NME1: variants seen among roughly 807,000 people sequenced by gnomAD.
NME1 encodes the protein nucleoside diphosphate kinase A.
NME1 carries 9 observed loss-of-function variants against 17.2 expected under a neutral mutation model. That is an observed-to-expected ratio of 0.52 (90% CI 0.32 to 0.92). The LOEUF (loss-of-function observed/expected upper bound fraction) is 0.92. NME1 is among the 40% of genes least tolerant of loss of function. NME1 has a pLI of 0.04. For missense variants in NME1, 169 were observed against 201.7 expected (o/e 0.84, Z 0.98); for synonymous variants, 72 against 70.8 (o/e 1.02, Z -0.09).
At chr17:51,161,699 G>T (rs2049866483) in intron 4 of NME1, 29 bp from the exon 5 acceptor site, 1 of 1,524,758 alleles carries the variant, frequency 6.6e-7, no homozygotes, top group Non-Finnish European at 9.1e-7. Flanking sequence ...TCTGGTCTTG[G>T]TCATGTGACT....
intron 2 of NME1, among the ~76,000 whole-genome samples, chr17:51,158,053 G>T (rs527821227): frequency 2.0e-5 from 3 of 152,212 alleles, no homozygotes; most frequent in Non-Finnish European, 4.4e-5. Context: ...GTCAAGGTGG[G>T]TGGATCATCT....
Position 51,156,892 on chromosome 17 carries a change from CAAAAA to C in NME1, c.126+1126_126+1130del, listed in dbSNP as rs71355724. On this transcript the variant is annotated intron_variant, in intron 2 of 4. Transcript: ENST00000393196. Reference sequence around the variant, plus strand: ...TGCAACAAGAGCAAAACTCCATCTCCAAAAAAAAAAAAAAAAAAGAATTGCTTTTG... The same window carrying C: ...TGCAACAAGAGCAAAACTCCATCTCCAAAAAAAAAAAAAGAATTGCTTTTG... Among the ~76,000 whole-genome samples the C allele has an allele frequency of 8.1e-5, 7 of 86,916 alleles. No homozygotes were observed. In the South Asian group the frequency reaches 2.5e-3, roughly 31 times the overall value. The allele number at this position is 86,916 out of a possible 152,430, so 57.0% of individuals were successfully genotyped here. A position where few individuals can be genotyped will look rare whatever the true frequency, so the allele number is the denominator to read the frequency against.
chr17:51,161,282 T>G lies in NME1; in HGVS notation c.341+10T>G, dbSNP rs181856997. The G allele has an allele frequency of 5.2e-4, 832 of 1,595,708 alleles. 5 individuals are homozygous for G. The African/African-American group carries it at 9.7e-3, about 19-fold the overall frequency. On this transcript the variant is annotated intron_variant, in intron 4 of 4. Coordinates refer to ENST00000393196, the MANE Select transcript of NME1 (RefSeq NM_000269.3). ...GCATACAAGTTGGCAGGTGAGATTTTGGTATTTTTCCCCCTTTTCCAAAAT... is the reference window on the plus strand; with the variant it reads ...GCATACAAGTTGGCAGGTGAGATTTGGGTATTTTTCCCCCTTTTCCAAAAT...
chr17:51,158,475 C>T (rs1429019744), intron 2 of NME1, among the ~76,000 whole-genome samples: 1 of 152,098 alleles, frequency 6.6e-6, no homozygotes, highest in African/African-American at 2.4e-5. Context: ...ATAATTGGAA[C>T]CAATTAATAG....
At chr17:51,161,041 C>T in intron 3 of NME1, 119 bp from the exon 4 acceptor site, 1 of 987,228 alleles carries the variant, frequency 1.0e-6, no homozygotes, top group Non-Finnish European at 1.6e-6. Context: ...AACATTTGTT[C>T]AGTGAATGAA....
intron 3 of NME1, 51 bp downstream of exon 3, chr17:51,160,132 G>A: frequency 6.3e-7 from 1 of 1,599,156 alleles, no homozygotes; most frequent in Non-Finnish European, 8.6e-7. Flanking sequence ...TGTCATCTGT[G>A]CTAGGCTCTC....
rs773266412 is a variant in NME1, at chr17:51,160,175, AC to A, written c.228+96del. 7 of 1,338,982 alleles carry A rather than the reference AC, an allele frequency of 5.2e-6. 1 individual carries two copies. Among genetic ancestry groups the A allele is most frequent in the Admixed American group, 1.7e-5 (1 of 59,220 alleles). 82.9% of individuals were successfully genotyped at this position (1,338,982 alleles called of 1,614,324 possible). Reference sequence around the variant, plus strand: ...CACTGGGGATACAGCCATGAATGAGACCAAATAGATACCTGTTTTCATATAC... The same window carrying A: ...CACTGGGGATACAGCCATGAATGAGACAAATAGATACCTGTTTTCATATAC... On this transcript the variant is annotated intron_variant, in intron 3 of 4. Coordinates refer to ENST00000393196, the MANE Select transcript of NME1 (RefSeq NM_000269.3).
chr17:51,156,973 C>A lies in NME1; in HGVS notation c.126+1193C>A, dbSNP rs917091856. Among the ~76,000 whole-genome samples the A allele has an allele frequency of 1.2e-3, 186 of 149,948 alleles. 2 individuals are homozygous for A. The highest frequency in any genetic ancestry group is 2.0e-3 in the Non-Finnish European group (137 of 67,618). On this transcript the variant is annotated intron_variant, in intron 2 of 4. Coordinates refer to ENST00000393196, the MANE Select transcript of NME1 (RefSeq NM_000269.3). ...AGCCGATATTGCACCACACTGCAGC[C>A]TGGGCAACAGAGGGAGGGAGACTCT...
chr17:51,159,196 G>A (rs1007921308), intron 2 of NME1, among the ~76,000 whole-genome samples: 3 of 152,376 alleles, frequency 2.0e-5, no homozygotes, highest in East Asian at 3.9e-4. Flanking sequence ...GGTCACGCCT[G>A]TAAGCCCAGC....
rs2049860461 is a variant in NME1 at position 51,161,230 on chromosome 17, A to G, written c.299A>G (p.Lys100Arg). The G allele has an allele frequency of 1.9e-6, 3 of 1,612,924 alleles. No homozygotes were observed. The highest frequency in any genetic ancestry group is 1.7e-6 in the Non-Finnish European group (2 of 1,179,574). Reference protein sequence around the residue: ...MLGETNPADSKPGTIRGDFCI... With the variant: ...MLGETNPADSRPGTIRGDFCI... The stretch of plus-strand genomic sequence containing the variant: ...GGGGAGACCAACCCTGCAGACTCCA[A>G]GCCTGGGACCATCCGTGGAGACTTC... Residue 100 changes from lysine (K) to arginine (R), a missense_variant, in exon 4 of 5, where the codon AAG becomes AGG. Coordinates refer to ENST00000393196, the MANE Select transcript of NME1 (RefSeq NM_000269.3).
chr17:51,154,413 G>A, intron 1 of NME1: 3 of 1,614,148 alleles, frequency 1.9e-6, no homozygotes, highest in South Asian at 1.1e-5. Flanking sequence ...CTTTCAAGGC[G>A]AGGGGCCTCC....
chr17:51,156,009 A>G (rs1568120432), intron 2 of NME1: 3 of 471,982 alleles, frequency 6.4e-6, no homozygotes, highest in Non-Finnish European at 1.1e-5. Context: ...GTGCATTGCT[A>G]CGGGAAAAGC....
At chr17:51,158,315 C>T (rs2049817483) in intron 2 of NME1, among the ~76,000 whole-genome samples, 1 of 151,898 alleles carries the variant, frequency 6.6e-6, no homozygotes, top group South Asian at 2.1e-4. Context: ...GTGGTGCACA[C>T]CTGTAGTCCT....
intron 1 of NME1, among the ~76,000 whole-genome samples, chr17:51,155,148 G>A (rs1009826432): frequency 1.3e-5 from 2 of 151,666 alleles, no homozygotes; most frequent in African/African-American, 4.9e-5. Context: ...GGAGGTTGAG[G>A]TAGGAGAATT....
chr17:51,155,722 A>G lies in NME1; in HGVS notation c.68A>G (p.Glu23Gly), dbSNP rs1282562184. 2.5e-6 allele frequency: 4 copies of G among 1,614,132 alleles called. No homozygotes were observed. The Admixed American group carries it at 6.7e-5, about 27-fold the overall frequency. Reference sequence around the variant, plus strand: ...GGGGTCCAGCGGGGTCTTGTGGGAGAGATTATCAAGCGTTTTGAGCAGAAA... The same window carrying G: ...GGGGTCCAGCGGGGTCTTGTGGGAGGGATTATCAAGCGTTTTGAGCAGAAA... ...PDGVQRGLVGEIIKRFEQKGF... is the reference protein window; with the variant it reads ...PDGVQRGLVGGIIKRFEQKGF... The change falls in exon 2 of 5, where the codon GAG becomes GGG. Residue 23 changes from glutamate to glycine, a missense_variant. Coordinates refer to ENST00000393196, the MANE Select transcript of NME1 (RefSeq NM_000269.3).
At chr17:51,157,016 A>G (rs1037644439) in intron 2 of NME1, among the ~76,000 whole-genome samples, 1 of 150,644 alleles carries the variant, frequency 6.6e-6, no homozygotes, top group African/African-American at 2.4e-5. Flanking sequence ...AAAAAAAAAA[A>G]GAATTCCAAT....
At chr17:51,158,379 G>A (rs1598238132) in intron 2 of NME1, among the ~76,000 whole-genome samples, 1 of 152,270 alleles carries the variant, frequency 6.6e-6, no homozygotes, top group South Asian at 2.1e-4. Context: ...GTTTGAGGCC[G>A]CAGTGAGCTA....
chr17:51,158,978 A>G (rs953427371), intron 2 of NME1, among the ~76,000 whole-genome samples: 6 of 152,200 alleles, frequency 3.9e-5, no homozygotes, highest in Admixed American at 6.5e-5. Flanking sequence ...TGGTAATCAC[A>G]TGGTCATCAC....
rs1187219049 is a variant in NME1 at position 51,160,352 on chromosome 17, C to T, written c.228+271C>T. ...AAGCAGCGATCTGAATGACAAGAAG[C>T]AGCCAGCCATGTACAGAATCACAGT... On this transcript the variant is annotated intron_variant, in intron 3 of 4. Coordinates refer to ENST00000393196, the MANE Select transcript of NME1 (RefSeq NM_000269.3). The T allele has an allele frequency of 1.3e-5, 7 of 527,548 alleles. No individual in the cohort carries two copies. In the East Asian group the frequency reaches 2.7e-4, roughly 20 times the overall value. The allele number at this position is 527,548 out of a possible 1,614,324, so 32.7% of individuals were successfully genotyped here. A position where few individuals can be genotyped will look rare whatever the true frequency, so the allele number is the denominator to read the frequency against.
Sources: gnomAD v4.1 joint callset for allele counts (sites outside exome capture counted in the v4.1 genomes callset) on GRCh38, gnomAD v4.1.1 for gene constraint, MANE v1.5 for transcripts, NCBI Gene and HGNC (gene_info 2026-07-23, HGNC 2026-07-21) for gene names.